The following ECHDC3 variants were observed in gnomAD, a reference collection of about 807,000 sequenced individuals.
The protein encoded by ECHDC3 is enoyl-CoA hydratase domain-containing protein 3, mitochondrial.
ECHDC3 carries 20 observed loss-of-function variants against 17.9 expected under a neutral mutation model. That is an observed-to-expected ratio of 1.12 (90% CI 0.79 to 1.63). The LOEUF is 1.63. Among genes scored for constraint, ECHDC3 ranks in the 40% most tolerant of loss-of-function variants. The pLI is 0.00. For synonymous variants in ECHDC3, 177 were observed against 149.7 expected, an observed-to-expected ratio of 1.18 and a Z score of -1.33; for missense variants, 407 against 357.7, an observed-to-expected ratio of 1.14 and a Z score of -1.11.
intron 4 of ECHDC3, among the ~76,000 whole-genome samples, chr10:11,757,214 T>C (rs1294799760): frequency 2.0e-5 from 3 of 152,198 alleles, no homozygotes; most frequent in South Asian, 2.1e-4. Flanking sequence ...GGTTCCACAG[T>C]AAAGCACTTG....
rs1168229743 is a variant in ECHDC3, at chr10:11,742,393, T to TGGGCC, written c.-183_-179dup. The stretch of plus-strand genomic sequence containing the variant: ...TGCCGGGGCGGGGCGTAGTACGGAC[T>TGGGCC]GGGCCTGGCCTGGGGCGTCCCCGCG... On this transcript the variant is annotated 5_prime_UTR_variant, in exon 1 of 5. Coordinates refer to ENST00000379215, the MANE Select transcript of ECHDC3 (RefSeq NM_024693.5). 5.8e-6 allele frequency: 2 copies of TGGGCC among 344,542 alleles called. No homozygotes were observed. Among genetic ancestry groups the TGGGCC allele is most frequent in the African/African-American group, 7.0e-5 (2 of 28,774 alleles). The allele number at this position is 344,542 out of a possible 1,614,324, so 21.3% of individuals were successfully genotyped here.
intron 1 of ECHDC3, 69 bp downstream of exon 1, chr10:11,742,815 G>C: frequency 8.2e-7 from 1 of 1,220,072 alleles, no homozygotes; most frequent in Non-Finnish European, 1.0e-6. Flanking sequence ...CCATTGACCC[G>C]GGGAGGACCC....
At chr10:11,754,167 C>T (rs866344371) in intron 3 of ECHDC3, among the ~76,000 whole-genome samples, 11 of 152,254 alleles carry the variant, frequency 7.2e-5, no homozygotes, top group South Asian at 2.1e-4. Context: ...ATACCATAGC[C>T]TTAAATATAT....
chr10:11,752,715 T>C (rs1203119369), intron 3 of ECHDC3, among the ~76,000 whole-genome samples: 1 of 152,232 alleles, frequency 6.6e-6, no homozygotes, highest in East Asian at 1.9e-4. Flanking sequence ...AACTGTCGTG[T>C]TCTATAAGGT....
intron 4 of ECHDC3, 122 bp downstream of exon 4, chr10:11,755,730 A>C: frequency 1.0e-6 from 1 of 981,060 alleles, no homozygotes; most frequent in South Asian, 1.7e-5. Flanking sequence ...CGTTCTGCCC[A>C]GAGTGCCTCT....
At chr10:11,746,065 C>T (rs1020201172) in intron 1 of ECHDC3, among the ~76,000 whole-genome samples, 1 of 152,132 alleles carries the variant, frequency 6.6e-6, no homozygotes, top group African/African-American at 2.4e-5. Flanking sequence ...CAGTAGCTCA[C>T]GTCTGTAATC....
At chr10:11,761,786 AG>A (rs1377924747) in intron 4 of ECHDC3, among the ~76,000 whole-genome samples, 1 of 152,242 alleles carries the variant, frequency 6.6e-6, no homozygotes, top group Non-Finnish European at 1.5e-5. Context: ...CTTGTCTCAA[AG>A]GAACCAACCT....
intron 4 of ECHDC3, among the ~76,000 whole-genome samples, chr10:11,758,490 G>A (rs571111304): frequency 2.0e-5 from 3 of 152,334 alleles, no homozygotes; most frequent in Non-Finnish European, 2.9e-5. Context: ...TGGAAAGATG[G>A]TTAAAGCCCG....
chr10:11,742,917 G>T, intron 1 of ECHDC3, 171 bp downstream of exon 1: 1 of 760,396 alleles, frequency 1.3e-6, no homozygotes, highest in Non-Finnish European at 1.8e-6. Flanking sequence ...TGGGATTGTA[G>T]GGCCGTCGGT....
At chr10:11,758,713 C>A (rs766131490) in intron 4 of ECHDC3, among the ~76,000 whole-genome samples, 1 of 152,240 alleles carries the variant, frequency 6.6e-6, no homozygotes, top group Non-Finnish European at 1.5e-5. Flanking sequence ...GACCCATGAC[C>A]CTCACTCCAG....
At chr10:11,747,992 G>C (rs1832780407) in intron 2 of ECHDC3, among the ~76,000 whole-genome samples, 1 of 152,132 alleles carries the variant, frequency 6.6e-6, no homozygotes, top group African/African-American at 2.4e-5. Context: ...AGTAATATTA[G>C]CATTTTAAAG....
chr10:11,745,873 G>A (rs1451573689), intron 1 of ECHDC3, among the ~76,000 whole-genome samples: 1 of 152,200 alleles, frequency 6.6e-6, no homozygotes, highest in Non-Finnish European at 1.5e-5. Flanking sequence ...CAGCATGTGG[G>A]ATGCCTCAAA....
At chr10:11,761,957 G>T (rs569419512) in intron 4 of ECHDC3, among the ~76,000 whole-genome samples, 1 of 152,084 alleles carries the variant, frequency 6.6e-6, no homozygotes, top group Admixed American at 6.5e-5. Flanking sequence ...AAATGGCCAG[G>T]CATGGTGGCT....
At chr10:11,757,210 A>G (rs1588465177) in intron 4 of ECHDC3, among the ~76,000 whole-genome samples, 1 of 152,304 alleles carries the variant, frequency 6.6e-6, no homozygotes, top group African/African-American at 2.4e-5. Flanking sequence ...GGAAGGTTCC[A>G]CAGTAAAGCA....
At position 11,764,005 on chromosome 10, in the gene ECHDC3, G is replaced by T. The variant is rs1262357941; in HGVS notation, c.*461G>T. ...CAGAAAATCTTCTTGATTCTATAGA[G>T]ACTTAATCATGCCTATGGCTTTGAA... is the stretch of plus-strand genomic sequence containing the variant. On this transcript the variant is annotated 3_prime_UTR_variant, in exon 5 of 5. Coordinates refer to ENST00000379215, the MANE Select transcript of ECHDC3 (RefSeq NM_024693.5). The T allele has an allele frequency of 1.1e-6, 1 of 948,920 alleles. No individual in the cohort carries two copies. The highest frequency in any genetic ancestry group is 6.1e-5 in the Admixed American group (1 of 16,456). The allele number at this position is 948,920 out of a possible 1,614,324, so 58.8% of individuals were successfully genotyped here.
At chr10:11,757,636 G>T (rs1832898447) in intron 4 of ECHDC3, among the ~76,000 whole-genome samples, 1 of 152,140 alleles carries the variant, frequency 6.6e-6, no homozygotes, top group South Asian at 2.1e-4. Context: ...CTGCCTGAAA[G>T]CGGTTCAGAG....
intron 4 of ECHDC3, among the ~76,000 whole-genome samples, chr10:11,760,539 A>T (rs1456609793): frequency 6.6e-6 from 1 of 152,176 alleles, no homozygotes; most frequent in Non-Finnish European, 1.5e-5. Flanking sequence ...CTAGGACTTG[A>T]TCATTGCAAG....
In ECHDC3 at chr10:11,763,013, G is replaced by A. The variant is rs1399202078; in HGVS notation, c.592-211G>A. On this transcript the variant is annotated intron_variant, in intron 4 of 4. Coordinates refer to ENST00000379215, the MANE Select transcript of ECHDC3 (RefSeq NM_024693.5). This position sits in a 1 kb window ranked among gnomAD's most constrained non-coding sequence, Gnocchi z 4.9. ...GATCTTTGCAGGAGCAAGAGAACAC[G>A]GGACAGCCACTGCTCCCCTGGGCCT... Among the ~76,000 whole-genome samples, 3 of 152,132 alleles carry A rather than the reference G, an allele frequency of 2.0e-5. No individual in the cohort carries two copies. Among genetic ancestry groups the A allele is most frequent in the South Asian group, 2.1e-4 (1 of 4,810 alleles).
At chr10:11,742,787 G>A in intron 1 of ECHDC3, 41 bp downstream of exon 1, 1 of 1,224,656 alleles carries the variant, frequency 8.2e-7, no homozygotes, top group Non-Finnish European at 1.0e-6. Context: ...TTGGTGCCGA[G>A]TCGGGGTCAG....
Sources: gnomAD v4.1 joint callset for allele counts (sites outside exome capture counted in the v4.1 genomes callset) on GRCh38, gnomAD v4.1.1 for gene constraint, Gnocchi (gnomAD v3.1) non-coding constraint, MANE v1.5 for transcripts, NCBI Gene and HGNC (gene_info 2026-07-23, HGNC 2026-07-21) for gene names.